The following PDE11A variants were observed in gnomAD, a reference collection of about 807,000 sequenced individuals.
PDE11A encodes dual 3',5'-cyclic-AMP and -GMP phosphodiesterase 11A.
In PDE11A, 100 loss-of-function variants were observed where a neutral mutation model predicts 100.5. That is an observed-to-expected ratio of 1.00 (90% CI 0.85 to 1.18). PDE11A has a LOEUF of 1.18. Ranked by LOEUF, PDE11A falls within the 50% of genes most tolerant of loss-of-function variation. The pLI is 0.00. For synonymous variants in PDE11A, 381 were observed against 420.8 expected, an observed-to-expected ratio of 0.91 and a Z score of 1.16; for missense variants, 1,141 against 1,152.6, an observed-to-expected ratio of 0.99 and a Z score of 0.15.
intron 2 of PDE11A, among the ~76,000 whole-genome samples, chr2:177,913,347 G>A (rs1000292688): frequency 6.6e-5 from 10 of 151,970 alleles, no homozygotes; most frequent in African/African-American, 1.5e-4. Flanking sequence ...CTTATATAGC[G>A]CTTTTCTGTA....
intron 3 of PDE11A, among the ~76,000 whole-genome samples, chr2:177,900,228 TAGTC>T (rs900350181): frequency 6.6e-6 from 1 of 152,188 alleles, no homozygotes; most frequent in African/African-American, 2.4e-5. Context: ...GAAAATTACA[TAGTC>T]AGTGAATTGC....
At chr2:177,838,194 T>C (rs1270541982) in intron 6 of PDE11A, among the ~76,000 whole-genome samples, 3 of 152,312 alleles carry the variant, frequency 2.0e-5, no homozygotes, top group Non-Finnish European at 2.9e-5. Flanking sequence ...AAATCTGTTT[T>C]TGTCTTCCAG....
rs375851204 is a variant in PDE11A, at chr2:177,690,765, G to A, written c.2345+6567C>T. Among the ~76,000 whole-genome samples the A allele has an allele frequency of 4.6e-5, 7 of 152,198 alleles. No individual in the cohort carries two copies. The South Asian group carries it at 6.2e-4, about 14-fold the overall frequency. ...ATAAGTCTGATTAATTTAGGAAGCC[G>A]ATCTTAAAAGCATTGAGCACCCAAG... On this transcript the variant is annotated intron_variant, in intron 15 of 19. Coordinates refer to ENST00000286063, the MANE Select transcript of PDE11A (RefSeq NM_016953.4).
At chr2:177,901,026 A>G (rs921674558) in intron 3 of PDE11A, among the ~76,000 whole-genome samples, 2 of 152,182 alleles carry the variant, frequency 1.3e-5, no homozygotes, top group African/African-American at 4.8e-5. Context: ...AAAGATGACA[A>G]TAGCCCTTTC....
chr2:177,690,423 G>A (rs1318643420), intron 15 of PDE11A, among the ~76,000 whole-genome samples: 1 of 152,202 alleles, frequency 6.6e-6, no homozygotes, highest in African/African-American at 2.4e-5. Context: ...AACATAGCTG[G>A]CTTTTAATAA....
intron 16 of PDE11A, among the ~76,000 whole-genome samples, chr2:177,677,695 G>C (rs1350444935): frequency 6.6e-6 from 1 of 152,158 alleles, no homozygotes; most frequent in Non-Finnish European, 1.5e-5. Flanking sequence ...GGAGGCACAG[G>C]GATGGAAGAT....
chr2:177,790,717 A>C (rs2082616777), intron 9 of PDE11A, among the ~76,000 whole-genome samples: 1 of 152,138 alleles, frequency 6.6e-6, no homozygotes, highest in Non-Finnish European at 1.5e-5. Context: ...ACCCCATCAA[A>C]AAGTGGGCGA....
chr2:178,067,532 A>T (rs1413410328), intron 1 of PDE11A, among the ~76,000 whole-genome samples: 1 of 152,114 alleles, frequency 6.6e-6, no homozygotes, highest in African/African-American at 2.4e-5. Flanking sequence ...ATTTTGTTGG[A>T]CTTGGAATCA....
chr2:177,986,959 T>A (rs890035634), intron 2 of PDE11A, among the ~76,000 whole-genome samples: 2 of 152,190 alleles, frequency 1.3e-5, no homozygotes, highest in Non-Finnish European at 2.9e-5. Context: ...CATAAAATGT[T>A]AACTTTGAAG....
chr2:177,714,940 C>G (rs1049012967), intron 12 of PDE11A, among the ~76,000 whole-genome samples: 5 of 152,196 alleles, frequency 3.3e-5, no homozygotes, highest in Non-Finnish European at 7.3e-5. Context: ...CAGCAGCCCT[C>G]GGAGCTTCCT....
intron 9 of PDE11A, among the ~76,000 whole-genome samples, chr2:177,784,025 G>T (rs778750247): frequency 1.6e-4 from 24 of 152,106 alleles, no homozygotes; most frequent in Non-Finnish European, 3.2e-4. Flanking sequence ...GGTAGTGAGA[G>T]ATTTCTATGC....
chr2:177,983,787 C>A (rs930592814), intron 2 of PDE11A, among the ~76,000 whole-genome samples: 63 of 152,086 alleles, frequency 4.1e-4, no homozygotes, highest in African/African-American at 1.5e-3. Flanking sequence ...ATTATTAGTT[C>A]ACTAGATATA....
rs80231654 is a variant in PDE11A at position 177,905,078 on chromosome 2, C to A, written c.1161+20G>T. On this transcript the variant is annotated intron_variant, in intron 3 of 19. Transcript: ENST00000286063. Reference sequence around the variant, plus strand: ...GAAAGAGAGTTTTGAGGAGTGTCAACAATGTTTTTATTTACTCACTCTGCT... The same window carrying A: ...GAAAGAGAGTTTTGAGGAGTGTCAAAAATGTTTTTATTTACTCACTCTGCT... 16 of 1,340,798 alleles carry A rather than the reference C, an allele frequency of 1.2e-5. No individual in the cohort carries two copies. Among genetic ancestry groups the A allele is most frequent in the Non-Finnish European group, 1.6e-5 (15 of 930,080 alleles). The allele number at this position is 1,340,798 out of a possible 1,614,324, so 83.1% of individuals were successfully genotyped here. A position where few individuals can be genotyped will look rare whatever the true frequency, so the allele number is the denominator to read the frequency against.
At chr2:177,903,850 G>A (rs956295752) in intron 3 of PDE11A, among the ~76,000 whole-genome samples, 1 of 152,192 alleles carries the variant, frequency 6.6e-6, no homozygotes, top group African/African-American at 2.4e-5. Flanking sequence ...ATTGTTTGCT[G>A]GAAATTGGGG....
intron 2 of PDE11A, among the ~76,000 whole-genome samples, chr2:177,980,975 TAC>T (rs3073403): frequency 0.081 from 10,502 of 129,532 alleles, 599 homozygotes; most frequent in Admixed American, 0.13. Context: ...GAGAACTAGA[TAC>T]ACACACACAC....
intron 2 of PDE11A, among the ~76,000 whole-genome samples, chr2:178,093,889 C>T (rs1045858956): frequency 6.6e-6 from 1 of 152,110 alleles, no homozygotes; most frequent in Non-Finnish European, 1.5e-5. Context: ...AGAGAAACTG[C>T]AAAGGTAACA....
intron 2 of PDE11A, among the ~76,000 whole-genome samples, chr2:177,988,010 C>T (rs1223815530): frequency 1.3e-5 from 2 of 152,188 alleles, no homozygotes; most frequent in African/African-American, 4.8e-5. Context: ...TGAGAAGTCA[C>T]TGAGTACCAC....
intron 1 of PDE11A, among the ~76,000 whole-genome samples, chr2:178,059,697 G>A (rs1332641986): frequency 6.6e-6 from 1 of 152,174 alleles, no homozygotes; most frequent in African/African-American, 2.4e-5. Context: ...TCTGAAGAGT[G>A]AAAACTGAAA....
intron 9 of PDE11A, among the ~76,000 whole-genome samples, chr2:177,771,581 C>T (rs2082310695): frequency 6.6e-6 from 1 of 152,108 alleles, no homozygotes; most frequent in African/African-American, 2.4e-5. Context: ...CGTAGAGGCT[C>T]CTCCTGAAAA....
Sources: gnomAD v4.1 joint callset for allele counts (sites outside exome capture counted in the v4.1 genomes callset) on GRCh38, gnomAD v4.1.1 for gene constraint, MANE v1.5 for transcripts, NCBI Gene and HGNC (gene_info 2026-07-23, HGNC 2026-07-21) for gene names.